The following ITPRID2 variants were observed in gnomAD, a reference collection of about 807,000 sequenced individuals.
ITPRID2 encodes ITPR interacting domain containing 2.
In ITPRID2, 60 loss-of-function variants were observed where a neutral mutation model predicts 124.3. The observed-to-expected ratio is 0.48, with a 90% CI of 0.39 to 0.60. The LOEUF is 0.60. Among genes scored for constraint, ITPRID2 ranks in the 20% least tolerant of loss-of-function variants. ITPRID2 has a pLI of 0.00. For synonymous variants in ITPRID2, 521 were observed against 542.9 expected (o/e 0.96, Z 0.56); for missense variants, 1,553 against 1,512.2 (o/e 1.03, Z -0.45).
chr2:181,901,872 A>G lies in ITPRID2; in HGVS notation c.819A>G (p.Ser273=), dbSNP rs1692694589. The part of the protein sequence containing the change: ...TPLQRIGSMS[S]VTSNKETDPP... ...TGCAGAGAATTGGAAGTATGTCCTCAGTGACCTCTAACAAGGAGACAGACC... is the reference window on the plus strand; with the variant it reads ...TGCAGAGAATTGGAAGTATGTCCTCGGTGACCTCTAACAAGGAGACAGACC... The change falls in exon 8 of 18, where the codon TCA becomes TCG. Residue 273 remains serine, a synonymous_variant. Transcript: ENST00000431877. 4 of 1,613,952 alleles carry G rather than the reference A, an allele frequency of 2.5e-6. No homozygotes were observed. The highest frequency in any genetic ancestry group is 1.7e-4 in the Middle Eastern group (1 of 6,060).
chr2:181,897,841 A>G (rs1692332389), intron 4 of ITPRID2, among the ~76,000 whole-genome samples: 1 of 152,002 alleles, frequency 6.6e-6, no homozygotes, highest in African/African-American at 2.4e-5. Context: ...GAACCTTCTA[A>G]CATTTAAAAC....
chr2:181,892,416 ACG>A lies in ITPRID2; in HGVS notation c.211+147_211+148del. 2 of 1,181,388 alleles carry A rather than the reference ACG, an allele frequency of 1.7e-6. No individual in the cohort carries two copies. The highest frequency in any genetic ancestry group is 1.2e-6 in the Non-Finnish European group (1 of 846,786). 73.2% of individuals were successfully genotyped at this position (1,181,388 alleles called of 1,614,324 possible). ...GAGAGGGGACACTTCCGACCTTCAAACGCGCGCGCTGAACGAGGCGCCCCCAG... is the reference window on the plus strand; with the variant it reads ...GAGAGGGGACACTTCCGACCTTCAAACGCGCGCTGAACGAGGCGCCCCCAG... On this transcript the variant is annotated intron_variant, in intron 1 of 17. Transcript: ENST00000431877. This position sits in a 1 kb window ranked among gnomAD's most constrained non-coding sequence, Gnocchi z 5.2.
Position 181,901,791 on chromosome 2 carries a change from T to A in ITPRID2, c.738T>A (p.Leu246=). The A allele has an allele frequency of 1.9e-6, 3 of 1,611,888 alleles. No individual in the cohort carries two copies. The highest frequency in any genetic ancestry group is 3.4e-5 in the Admixed American group (2 of 59,682). ...GCCGTTTTCGTCAAATTGAAGTGCT[T>A]ACTACTGTGGCCAATGCGTTTTCTT... ...LTSRFRQIEV[L]TTVANAFSSL... The change falls in exon 8 of 18, where the codon CTT becomes CTA. Residue 246 remains leucine (L), a synonymous_variant. Coordinates refer to ENST00000431877, the MANE Select transcript of ITPRID2 (RefSeq NM_001130445.3).
chr2:181,910,689 C>T lies in ITPRID2; in HGVS notation c.1486+718C>T. ...TGAACCACCCTGTTTTTTTTTTAAACAAAGATTCGTATGTATGTTCCTAGA... is the reference window on the plus strand; with the variant it reads ...TGAACCACCCTGTTTTTTTTTTAAATAAAGATTCGTATGTATGTTCCTAGA... On this transcript the variant is annotated intron_variant, in intron 9 of 17. Coordinates refer to ENST00000431877, the MANE Select transcript of ITPRID2 (RefSeq NM_001130445.3). The surrounding 1 kb of genome is among the most constrained non-coding windows in gnomAD (Gnocchi z 4.1). 1.6e-6 allele frequency: 1 copy of T among 642,692 alleles called. No homozygotes were observed. The allele number at this position is 642,692 out of a possible 1,614,324, so 39.8% of individuals were successfully genotyped here.
chr2:181,910,658 A>G lies in ITPRID2; in HGVS notation c.1486+687A>G. 2 of 675,596 alleles carry G rather than the reference A, an allele frequency of 3.0e-6. No homozygotes were observed. Among genetic ancestry groups the G allele is most frequent in the Non-Finnish European group, 2.7e-6 (1 of 368,128 alleles). 41.9% of individuals were successfully genotyped at this position (675,596 alleles called of 1,614,324 possible). On this transcript the variant is annotated intron_variant, in intron 9 of 17. Transcript: ENST00000431877. The surrounding 1 kb of genome is among the most constrained non-coding windows in gnomAD (Gnocchi z 4.1). ...GGACTGTTTATTTTTGAAACTTTAC[A>G]CATGCTGAACCACCCTGTTTTTTTT...
chr2:181,928,108 A>G, intron 16 of ITPRID2, 53 bp from the exon 17 acceptor site: 1 of 1,233,112 alleles, frequency 8.1e-7, no homozygotes, highest in Non-Finnish European at 1.1e-6. Flanking sequence ...AACAGGAAAA[A>G]ATGAATTCCA....
At position 181,901,720 on chromosome 2, in the gene ITPRID2, A is replaced by G. The variant is rs761466085; in HGVS notation, c.713-46A>G. Reference sequence around the variant, plus strand: ...ATATGCATTTAATATATGTGTATGTATATATATAAATATAAACATATCATT... The same window carrying G: ...ATATGCATTTAATATATGTGTATGTGTATATATAAATATAAACATATCATT... On this transcript the variant is annotated intron_variant, in intron 7 of 17. Transcript: ENST00000431877. 14 of 1,259,436 alleles carry G rather than the reference A, an allele frequency of 1.1e-5. No homozygotes were observed. In the Admixed American group the frequency reaches 1.5e-4, roughly 14 times the overall value. 78.0% of individuals were successfully genotyped at this position (1,259,436 alleles called of 1,614,324 possible).
chr2:181,919,461 G>T lies in ITPRID2; in HGVS notation c.3144+15G>T. The T allele has an allele frequency of 6.5e-7, 1 of 1,535,312 alleles. No individual in the cohort carries two copies. Among genetic ancestry groups the T allele is most frequent in the Non-Finnish European group, 8.7e-7 (1 of 1,143,392 alleles). Reference sequence around the variant, plus strand: ...CCGCACTCATGGTACGCTACCTGGAGGGTGGTCGGAGTTTTCACCAAAGGT... The same window carrying T: ...CCGCACTCATGGTACGCTACCTGGATGGTGGTCGGAGTTTTCACCAAAGGT... On this transcript the variant is annotated intron_variant, in intron 14 of 17. Coordinates refer to ENST00000431877, the MANE Select transcript of ITPRID2 (RefSeq NM_001130445.3). This position sits in a 1 kb window ranked among gnomAD's most constrained non-coding sequence, Gnocchi z 4.2.
In ITPRID2 at chr2:181,905,795, CTA is replaced by C. The variant is rs575978983; in HGVS notation, c.1413+3331_1413+3332del. Among the ~76,000 whole-genome samples the C allele has an allele frequency of 1.2e-3, 176 of 152,192 alleles. 1 individual carries two copies. The highest frequency in any genetic ancestry group is 6.8e-3 in the Middle Eastern group (2 of 294). ...TTAGCTGTTAAGTTTTAGGATTTTT[CTA>C]TGTTTATTGGTCTGAGTTAAAATAA... On this transcript the variant is annotated intron_variant, in intron 8 of 17. Transcript: ENST00000431877. This position sits in a 1 kb window ranked among gnomAD's most constrained non-coding sequence, Gnocchi z 4.1.
chr2:181,916,984 A>G (rs2125101249), intron 11 of ITPRID2: 1 of 986,136 alleles, frequency 1.0e-6, no homozygotes, highest in South Asian at 4.7e-5. Flanking sequence ...GAACTACTCC[A>G]GACCAGAAAA....
In ITPRID2 at chr2:181,911,240, A is replaced by G. The variant is rs141105433; in HGVS notation, c.1486+1269A>G. ...AAAGTATCCTATATCCTATGTAAGTATCTTAGATTGATCATAACTGTAGAG... is the reference window on the plus strand; with the variant it reads ...AAAGTATCCTATATCCTATGTAAGTGTCTTAGATTGATCATAACTGTAGAG... On this transcript the variant is annotated intron_variant, in intron 9 of 17. Transcript: ENST00000431877. 9.2e-5 allele frequency among the ~76,000 whole-genome samples: 14 copies of G among 152,340 alleles called. No homozygotes were observed. In the East Asian group the frequency reaches 2.7e-3, roughly 29 times the overall value.
At chr2:181,918,505 A>G (rs1031322354) in intron 11 of ITPRID2, 93 bp from the exon 12 acceptor site, 17 of 1,547,080 alleles carry the variant, frequency 1.1e-5, no homozygotes, top group African/African-American at 2.8e-5. Flanking sequence ...AGAGAAAAAT[A>G]TATAGGCCCC....
rs1056369425 is a variant in ITPRID2 at position 181,905,096 on chromosome 2, C to T, written c.1413+2630C>T. 2.0e-5 allele frequency among the ~76,000 whole-genome samples: 3 copies of T among 150,928 alleles called. No homozygotes were observed. The highest frequency in any genetic ancestry group is 1.9e-4 in the East Asian group (1 of 5,150). On this transcript the variant is annotated intron_variant, in intron 8 of 17. Coordinates refer to ENST00000431877, the MANE Select transcript of ITPRID2 (RefSeq NM_001130445.3). This position sits in a 1 kb window ranked among gnomAD's most constrained non-coding sequence, Gnocchi z 4.1. ...TGAGACGGAGTCGCGCATTGTCACC[C>T]GGGAGTGCAGTGGTGCAATCTTGGC...
In ITPRID2 at chr2:181,929,739, T is replaced by C. The variant is rs1372106365; in HGVS notation, c.*192T>C. ...GACGTACATAGAAACTTAGGCACTT[T>C]GCTATTTCTTTTCTAAACTATCAAA... On this transcript the variant is annotated 3_prime_UTR_variant, in exon 18 of 18. Transcript: ENST00000431877. The C allele has an allele frequency of 3.3e-5, 29 of 886,220 alleles. No individual in the cohort carries two copies. The Admixed American group carries it at 8.0e-4, about 25-fold the overall frequency. 54.9% of individuals were successfully genotyped at this position (886,220 alleles called of 1,614,324 possible). A position where few individuals can be genotyped will look rare whatever the true frequency, so the allele number is the denominator to read the frequency against.
rs114985669 is a variant in ITPRID2, at chr2:181,892,173, C to A, written c.107C>A (p.Ala36Glu). 3 of 1,553,856 alleles carry A rather than the reference C, an allele frequency of 1.9e-6. No homozygotes were observed. The African/African-American group carries it at 4.1e-5, about 21-fold the overall frequency. ...AWAKCRSSWQ[A>E]SETEDLSTEA... ...GCCAAGTGCCGCAGCTCCTGGCAAG[C>A]GTCGGAGACGGAGGATCTGTCCACA... Residue 36 changes from alanine to glutamate, a missense_variant, in exon 1 of 18, where the codon GCG (alanine) becomes GAG (glutamate). Coordinates refer to ENST00000431877, the MANE Select transcript of ITPRID2 (RefSeq NM_001130445.3). This position sits in a 1 kb window ranked among gnomAD's most constrained non-coding sequence, Gnocchi z 5.2.
Position 181,899,104 on chromosome 2 carries a change from A to G in ITPRID2, c.495A>G (p.Thr165=), listed in dbSNP as rs142461712. ...CTGGATCTGGGAAAAGTAGTGGGACAGTTTCAAGGTAACTTATTCTGAAAT... is the reference window on the plus strand; with the variant it reads ...CTGGATCTGGGAAAAGTAGTGGGACGGTTTCAAGGTAACTTATTCTGAAAT... ...NSTGSGKSSG[T]VSSVSELLEL... Residue 165 remains threonine, a synonymous_variant, in exon 6 of 18, where the codon ACA becomes ACG. Coordinates refer to ENST00000431877, the MANE Select transcript of ITPRID2 (RefSeq NM_001130445.3). The G allele has an allele frequency of 1.0e-3, 1,673 of 1,599,430 alleles. 4 individuals are homozygous for G. Among genetic ancestry groups the G allele is most frequent in the Non-Finnish European group, 1.3e-3 (1,579 of 1,173,820 alleles).
chr2:181,901,690 CAAT>C (rs1304394287), intron 7 of ITPRID2, 73 bp from the exon 8 acceptor site: 1 of 1,053,962 alleles, frequency 9.5e-7, no homozygotes, highest in Non-Finnish European at 1.3e-6. Flanking sequence ...GAATTCTAAA[CAAT>C]AATATGCATT....
chr2:181,893,959 A>G (rs1691974865), intron 2 of ITPRID2: 2 of 152,186 alleles, frequency 1.3e-5, no homozygotes, highest in South Asian at 4.1e-4. Context: ...TTCCACTTAG[A>G]AATGTGTTTG....
intron 8 of ITPRID2, among the ~76,000 whole-genome samples, chr2:181,903,220 C>T (rs1224343857): frequency 2.0e-5 from 3 of 152,156 alleles, no homozygotes; most frequent in African/African-American, 7.2e-5. Context: ...AAGCATCTAC[C>T]CTGTGCTGGG....
Sources: allele counts gnomAD v4.1 joint callset (sites outside exome capture counted in the v4.1 genomes callset), GRCh38; gene constraint gnomAD v4.1.1; non-coding constraint Gnocchi (gnomAD v3.1); transcripts MANE v1.5; gene names NCBI Gene and HGNC (gene_info 2026-07-23, HGNC 2026-07-21).